The following WWOX variants were observed in gnomAD, a reference collection of about 807,000 sequenced individuals.
WWOX encodes the protein WW domain containing oxidoreductase, also known as WW domain-containing oxidoreductase.
Under a neutral mutation model 46.2 loss-of-function variants are expected in WWOX, and 69 were observed. The observed-to-expected ratio is 1.49, with a 90% CI of 1.23 to 1.82. The LOEUF (loss-of-function observed/expected upper bound fraction) is 1.82, where lower values mean the gene tolerates loss of function less well. Among genes scored for constraint, WWOX ranks in the 40% most tolerant of loss-of-function variants. The pLI is 0.00. For synonymous variants in WWOX, 359 were observed against 202.6 expected (o/e 1.77, Z -6.56); for missense variants, 919 against 542.6 (o/e 1.69, Z -6.89).
At chr16:78,437,912 T>C (rs1292569600) in intron 8 of WWOX, among the ~76,000 whole-genome samples, 3 of 152,218 alleles carry the variant, frequency 2.0e-5, no homozygotes, top group Non-Finnish European at 4.4e-5. Context: ...GTGTATTGTT[T>C]GGTAAGAACT....
intron 8 of WWOX, among the ~76,000 whole-genome samples, chr16:78,632,576 T>TTTTG (rs1420961621): frequency 6.8e-6 from 1 of 146,874 alleles, no homozygotes; most frequent in Non-Finnish European, 1.5e-5. Flanking sequence ...TTTTTTTTTT[T>TTTTG]TTGGTGGAGT....
At chr16:78,282,841 G>A (rs1597442265) in intron 5 of WWOX, among the ~76,000 whole-genome samples, 1 of 133,730 alleles carries the variant, frequency 7.5e-6, no homozygotes, top group Non-Finnish European at 1.5e-5. Context: ...TCGTGCCGTT[G>A]CACTCCAGCC....
chr16:78,991,915 AAC>A (rs778677345), intron 8 of WWOX, among the ~76,000 whole-genome samples: 1 of 152,100 alleles, frequency 6.6e-6, no homozygotes, highest in Non-Finnish European at 1.5e-5. Context: ...GTTCCCGCCT[AAC>A]ACAATACCAG....
intron 8 of WWOX, among the ~76,000 whole-genome samples, chr16:78,687,174 C>T (rs1282246803): frequency 2.0e-5 from 3 of 152,096 alleles, no homozygotes; most frequent in African/African-American, 4.8e-5. Flanking sequence ...CATATTTACA[C>T]TGTTCAACAC....
chr16:78,212,827 G>A (rs1303041387), intron 5 of WWOX, among the ~76,000 whole-genome samples: 2 of 152,108 alleles, frequency 1.3e-5, no homozygotes, highest in African/African-American at 2.4e-5. Context: ...GCTTAAAATG[G>A]CTTTTCTCAG....
intron 8 of WWOX, among the ~76,000 whole-genome samples, chr16:78,911,717 T>G (rs938965683): frequency 6.6e-6 from 1 of 151,870 alleles, no homozygotes; most frequent in African/African-American, 2.4e-5. Context: ...AGTACAAAAA[T>G]TAGCCAGACG....
At chr16:78,544,030 G>A (rs943267599) in intron 8 of WWOX, among the ~76,000 whole-genome samples, 1 of 152,142 alleles carries the variant, frequency 6.6e-6, no homozygotes, top group African/African-American at 2.4e-5. Context: ...GCTTCTAGTA[G>A]TAGGGCTTAG....
At position 78,249,416 on chromosome 16, in the gene WWOX, C is replaced by T. The variant is rs551327233; in HGVS notation, c.516+85127C>T. Among the ~76,000 whole-genome samples, 4 of 152,324 alleles carry T rather than the reference C, an allele frequency of 2.6e-5. No individual in the cohort carries two copies. The South Asian group carries it at 8.3e-4, about 32-fold the overall frequency. On this transcript the variant is annotated intron_variant, in intron 5 of 8. Coordinates refer to ENST00000566780, the MANE Select transcript of WWOX (RefSeq NM_016373.4). ...CTTAATGCTTAGTGATAGTAGCTACCTCCAGTGCACGCCGCATTAGCCTCT... is the reference window on the plus strand; with the variant it reads ...CTTAATGCTTAGTGATAGTAGCTACTTCCAGTGCACGCCGCATTAGCCTCT...
chr16:78,322,987 T>G (rs2151885362), intron 5 of WWOX, among the ~76,000 whole-genome samples: 1 of 152,266 alleles, frequency 6.6e-6, no homozygotes. Flanking sequence ...TTGGGTTAGG[T>G]TTGGATGATG....
intron 8 of WWOX, among the ~76,000 whole-genome samples, chr16:78,487,724 G>A (rs533936689): frequency 1.8e-4 from 27 of 152,286 alleles, no homozygotes; most frequent in Admixed American, 1.7e-3. Context: ...GTTGGCAAAT[G>A]TCTGGCCTTC....
intron 8 of WWOX, among the ~76,000 whole-genome samples, chr16:78,696,777 A>G (rs561418160): frequency 6.6e-6 from 1 of 152,018 alleles, no homozygotes; most frequent in Non-Finnish European, 1.5e-5. Context: ...AGCAGTATAC[A>G]CTGCATCCAG....
chr16:79,020,428 G>A (rs1597286814), intron 8 of WWOX, among the ~76,000 whole-genome samples: 1 of 152,232 alleles, frequency 6.6e-6, no homozygotes, highest in South Asian at 2.1e-4. Flanking sequence ...ACCTCTTTGT[G>A]GCTCAGTTTC....
rs532557818 is a variant in WWOX, at chr16:78,654,658, T to C, written c.1056+221906T>C. 4.7e-5 allele frequency among the ~76,000 whole-genome samples: 7 copies of C among 150,170 alleles called. No homozygotes were observed. The East Asian group carries it at 1.4e-3, about 29-fold the overall frequency. On this transcript the variant is annotated intron_variant, in intron 8 of 8. Transcript: ENST00000566780. The stretch of plus-strand genomic sequence containing the variant: ...ACCTTTCTCTCTCTCTCTCTCTCTC[T>C]GTGTGTATGTGTGTGTGTGTATAAA...
chr16:79,180,171 C>A (rs1327628008), intron 8 of WWOX, among the ~76,000 whole-genome samples: 1 of 152,156 alleles, frequency 6.6e-6, no homozygotes. Context: ...CAAAACGACG[C>A]TGGTGCCTAA....
chr16:78,466,233 G>A (rs7205805), intron 8 of WWOX, among the ~76,000 whole-genome samples: 20,483 of 151,834 alleles, frequency 0.13, 1,468 homozygotes, highest in Non-Finnish European at 0.16. Flanking sequence ...GGGTTTCATC[G>A]TGTTACCCAG....
At position 78,778,503 on chromosome 16, in the gene WWOX, G is replaced by A. The variant is rs372219470; in HGVS notation, c.1056+345751G>A. Among the ~76,000 whole-genome samples the A allele has an allele frequency of 3.9e-5, 6 of 152,322 alleles. No homozygotes were observed. The East Asian group carries it at 1.2e-3, about 29-fold the overall frequency. Reference sequence around the variant, plus strand: ...CTGTAATCCTGGTCTCAGTATGACTGTGAGGACGGGGCCAAGTCATTTCAC... The same window carrying A: ...CTGTAATCCTGGTCTCAGTATGACTATGAGGACGGGGCCAAGTCATTTCAC... On this transcript the variant is annotated intron_variant, in intron 8 of 8. Transcript: ENST00000566780.
chr16:78,820,014 TG>T (rs1359732051), intron 8 of WWOX, among the ~76,000 whole-genome samples: 1 of 152,226 alleles, frequency 6.6e-6, no homozygotes, highest in African/African-American at 2.4e-5. Context: ...TGTGGTGATA[TG>T]GAGGAAAATA....
intron 5 of WWOX, among the ~76,000 whole-genome samples, chr16:78,233,865 A>C (rs11648208): frequency 0.53 from 80,322 of 151,926 alleles, 21,699 homozygotes; most frequent in Admixed American, 0.67. Flanking sequence ...AGTATGCCTC[A>C]GTCTCACTAA....
intron 8 of WWOX, among the ~76,000 whole-genome samples, chr16:78,642,936 A>G (rs1472512140): frequency 1.3e-5 from 2 of 152,240 alleles, no homozygotes; most frequent in Admixed American, 6.5e-5. Flanking sequence ...ATAGCTTATA[A>G]TAGTAATAAT....
Sources: gnomAD v4.1 joint callset for allele counts (sites outside exome capture counted in the v4.1 genomes callset) on GRCh38, gnomAD v4.1.1 for gene constraint, MANE v1.5 for transcripts, NCBI Gene and HGNC (gene_info 2026-07-23, HGNC 2026-07-21) for gene names.